Variants in FHOD3 observed in about 807,000 individuals in gnomAD.
FHOD3 encodes formin homology 2 domain containing 3.
A neutral mutation model predicts 173.0 loss-of-function variants in FHOD3; 90 were observed. The ratio of observed to expected loss-of-function variants is 0.52; its 90% CI spans 0.44 to 0.62. The LOEUF (loss-of-function observed/expected upper bound fraction) is 0.62. Among genes scored for constraint, FHOD3 ranks in the 20% least tolerant of loss-of-function variants. The pLI, the probability that FHOD3 is intolerant of heterozygous loss-of-function variation, is 0.00. For missense variants in FHOD3, 1,945 were observed against 2,034.7 expected, an observed-to-expected ratio of 0.96 and a Z score of 0.85; for synonymous variants, 828 against 823.0, an observed-to-expected ratio of 1.01 and a Z score of -0.10.
chr18:36,645,312 C>G (rs140370383), intron 10 of FHOD3, among the ~76,000 whole-genome samples: 2 of 151,970 alleles, frequency 1.3e-5, no homozygotes, highest in Non-Finnish European at 2.9e-5. Context: ...CCCAGCTATT[C>G]GGAAGGCTGA....
At position 36,576,564 on chromosome 18, in the gene FHOD3, T is replaced by C. The variant is rs1287514027; in HGVS notation, c.606+19T>C. ...GTCAAAGGTAAGGGGAAGTTATGGT[T>C]GACTGTTTTGTTCACTTGTCATATC... On this transcript the variant is annotated intron_variant, in intron 6 of 28. Coordinates refer to ENST00000590592, the MANE Select transcript of FHOD3 (RefSeq NM_001281740.3). The C allele has an allele frequency of 1.0e-5, 16 of 1,585,354 alleles. No individual in the cohort carries two copies. Among genetic ancestry groups the C allele is most frequent in the Non-Finnish European group, 1.2e-5 (14 of 1,159,610 alleles).
At chr18:36,678,676 T>A (rs928158616) in intron 14 of FHOD3, among the ~76,000 whole-genome samples, 8 of 152,062 alleles carry the variant, frequency 5.3e-5, no homozygotes, top group East Asian at 3.9e-4. Flanking sequence ...TTTTTTTTTT[T>A]AAACAAATGG....
chr18:36,336,848 C>CAA (rs36099993), intron 1 of FHOD3, among the ~76,000 whole-genome samples: 370 of 35,714 alleles, frequency 0.01, 31 homozygotes, highest in Non-Finnish European at 0.014. Flanking sequence ...AACTCCGTCT[C>CAA]AAAAAAAAAA....
intron 5 of FHOD3, among the ~76,000 whole-genome samples, chr18:36,532,580 T>C (rs1294691964): frequency 6.6e-6 from 1 of 152,158 alleles, no homozygotes; most frequent in Non-Finnish European, 1.5e-5. Context: ...ACTCTACTCT[T>C]GGCAGGAGAA....
chr18:36,356,951 G>A (rs538911200), intron 2 of FHOD3, among the ~76,000 whole-genome samples: 126 of 151,830 alleles, frequency 8.3e-4, no homozygotes, highest in Non-Finnish European at 1.6e-3. Flanking sequence ...TATCCATCTC[G>A]AACTAAGTAT....
intron 16 of FHOD3, among the ~76,000 whole-genome samples, chr18:36,692,270 T>C (rs1324025248): frequency 6.6e-6 from 1 of 152,210 alleles, no homozygotes; most frequent in Non-Finnish European, 1.5e-5. Flanking sequence ...CTAATGCCCA[T>C]TGTGAGGAAC....
rs1288427062 is a variant in FHOD3, at chr18:36,297,744, G to C, written c.-92G>C. The C allele has an allele frequency of 3.8e-6, 4 of 1,047,680 alleles. No homozygotes were observed. The highest frequency in any genetic ancestry group is 4.0e-5 in the South Asian group (1 of 25,272). 64.9% of individuals were successfully genotyped at this position (1,047,680 alleles called of 1,614,324 possible). A position where few individuals can be genotyped will look rare whatever the true frequency, so the allele number is the denominator to read the frequency against. ...GCGAGTCCGCGAGCCAGCGAGCTGC[G>C]GCTGCGGCCTCCCCTGCGCGCAGCT... On this transcript the variant is annotated 5_prime_UTR_variant, in exon 1 of 29. Transcript: ENST00000590592.
intron 3 of FHOD3, among the ~76,000 whole-genome samples, chr18:36,451,817 C>T (rs896576821): frequency 1.3e-5 from 2 of 152,142 alleles, no homozygotes; most frequent in Non-Finnish European, 2.9e-5. Context: ...TCCTGTTTGT[C>T]CGTCATGTCA....
chr18:36,563,898 A>G (rs1022051672), intron 5 of FHOD3, among the ~76,000 whole-genome samples: 26 of 152,026 alleles, frequency 1.7e-4, no homozygotes, highest in African/African-American at 5.8e-4. Context: ...TATGAGCTCC[A>G]TTCCACTCTG....
intron 1 of FHOD3, among the ~76,000 whole-genome samples, chr18:36,329,702 G>C (rs2044883447): frequency 6.6e-6 from 1 of 152,120 alleles, no homozygotes; most frequent in Non-Finnish European, 1.5e-5. Flanking sequence ...GAGGCCAGCT[G>C]GTGTTGTAGC....
intron 7 of FHOD3, among the ~76,000 whole-genome samples, chr18:36,598,635 C>G (rs1468127160): frequency 6.6e-6 from 1 of 152,074 alleles, no homozygotes; most frequent in East Asian, 1.9e-4. Flanking sequence ...TCACTGCAAG[C>G]TCCACCTCTG....
chr18:36,746,052 AT>A (rs927404992), intron 23 of FHOD3, among the ~76,000 whole-genome samples: 2 of 151,520 alleles, frequency 1.3e-5, no homozygotes, highest in Admixed American at 1.3e-4. Context: ...CCTCTGATGT[AT>A]TTTTTTCATG....
intron 20 of FHOD3, among the ~76,000 whole-genome samples, chr18:36,736,775 G>A (rs1233519264): frequency 6.6e-6 from 1 of 152,164 alleles, no homozygotes; most frequent in Non-Finnish European, 1.5e-5. Flanking sequence ...GGCAACACTC[G>A]AGTGGGAAAA....
chr18:36,499,793 A>AT (rs1402555378), intron 3 of FHOD3, among the ~76,000 whole-genome samples: 2 of 152,110 alleles, frequency 1.3e-5, no homozygotes, highest in African/African-American at 2.4e-5. Flanking sequence ...GGGATGGTTG[A>AT]TTCCTCTGGA....
intron 19 of FHOD3, among the ~76,000 whole-genome samples, chr18:36,725,625 G>A (rs773802798): frequency 1.3e-5 from 2 of 152,238 alleles, no homozygotes; most frequent in South Asian, 2.1e-4. Flanking sequence ...TACTTGTGCC[G>A]TGCTGACACT....
chr18:36,379,835 CA>C (rs1255390686), intron 3 of FHOD3, among the ~76,000 whole-genome samples: 1 of 152,148 alleles, frequency 6.6e-6, no homozygotes, highest in Non-Finnish European at 1.5e-5. Flanking sequence ...CATGAAGAGA[CA>C]ACTTTATTTT....
At chr18:36,352,249 A>G (rs2046163622) in intron 1 of FHOD3, among the ~76,000 whole-genome samples, 1 of 152,180 alleles carries the variant, frequency 6.6e-6, no homozygotes, top group Non-Finnish European at 1.5e-5. Flanking sequence ...CCTGCTACAA[A>G]AAAATAGTAA....
At chr18:36,436,397 A>T (rs964012316) in intron 3 of FHOD3, among the ~76,000 whole-genome samples, 3 of 152,160 alleles carry the variant, frequency 2.0e-5, no homozygotes, top group Non-Finnish European at 2.9e-5. Flanking sequence ...GAATTAGACA[A>T]CCAGATTTGC....
intron 3 of FHOD3, among the ~76,000 whole-genome samples, chr18:36,449,754 C>T (rs2051714479): frequency 6.6e-6 from 1 of 151,974 alleles, no homozygotes; most frequent in African/African-American, 2.4e-5. Context: ...GTAAATTTTT[C>T]TCGATGTATT....
Sources: gnomAD v4.1 joint callset for allele counts (sites outside exome capture counted in the v4.1 genomes callset) on GRCh38, gnomAD v4.1.1 for gene constraint, MANE v1.5 for transcripts, NCBI Gene and HGNC (gene_info 2026-07-23, HGNC 2026-07-21) for gene names.